Variants in EFCC1 observed in about 807,000 individuals in gnomAD.
The protein encoded by EFCC1 is EF-hand and coiled-coil domain-containing protein 1.
A neutral mutation model predicts 52.1 loss-of-function variants in EFCC1; 50 were observed. The ratio of observed to expected loss-of-function variants is 0.96; its 90% CI spans 0.76 to 1.21. The LOEUF (loss-of-function observed/expected upper bound fraction) is 1.21, where lower values mean the gene tolerates loss of function less well. Among genes scored for constraint, EFCC1 ranks in the 50% most tolerant of loss-of-function variants. The pLI is 0.00. For missense variants in EFCC1, 837 were observed against 867.3 expected, an observed-to-expected ratio of 0.97 and a Z score of 0.44; for synonymous variants, 399 against 396.5, an observed-to-expected ratio of 1.01 and a Z score of -0.08.
At chr3:129,012,446 C>T (rs1409994849) in intron 2 of EFCC1, among the ~76,000 whole-genome samples, 5 of 152,154 alleles carry the variant, frequency 3.3e-5, no homozygotes, top group Non-Finnish European at 5.9e-5. Context: ...CCTGGTTCTA[C>T]TCGCTCCTGC....
Position 129,030,724 on chromosome 3 carries a change from A to G in EFCC1, c.1002A>G (p.Pro334=). The G allele has an allele frequency of 6.4e-7, 1 of 1,551,580 alleles. No individual in the cohort carries two copies. The highest frequency in any genetic ancestry group is 8.7e-7 in the Non-Finnish European group (1 of 1,146,926). The change falls in exon 3 of 8, where the codon CCA becomes CCG. Residue 334 remains proline, a synonymous_variant. Transcript: ENST00000683648. The part of the protein sequence containing the change: ...QRYRSEDSQL[P]TPQLANPEPG... The stretch of plus-strand genomic sequence containing the variant: ...GCAGGTCAGAGGATTCCCAGCTCCC[A>G]ACCCCGCAGCTAGCCAACCCAGAGC...
At position 129,001,599 on chromosome 3, in the gene EFCC1, G is replaced by A; in HGVS notation, c.-30G>A. 1 of 1,354,976 alleles carries A rather than the reference G, an allele frequency of 7.4e-7. No homozygotes were observed. Among genetic ancestry groups the A allele is most frequent in the Non-Finnish European group, 9.4e-7 (1 of 1,060,522 alleles). 83.9% of individuals were successfully genotyped at this position (1,354,976 alleles called of 1,614,324 possible). On this transcript the variant is annotated 5_prime_UTR_variant, in exon 1 of 8. Coordinates refer to ENST00000683648, the MANE Select transcript of EFCC1 (RefSeq NM_001377500.1). ...GGCGGGGCGAAGGGACCGGAGGAGG[G>A]ACCGGAGGAGCGAGGCGCGCGGCGC...
rs755323645 is a variant in EFCC1 at position 129,014,962 on chromosome 3, C to T, written c.980+10885C>T. On this transcript the variant is annotated intron_variant, in intron 2 of 7. Coordinates refer to ENST00000683648, the MANE Select transcript of EFCC1 (RefSeq NM_001377500.1). This position sits in a 1 kb window ranked among gnomAD's most constrained non-coding sequence, Gnocchi z 4.3. The stretch of plus-strand genomic sequence containing the variant: ...TCAGACCCACCTGCTACTCTCCAGT[C>T]GCACCCACCACCCAGCCCAGCCCCA... Among the ~76,000 whole-genome samples the T allele has an allele frequency of 5.9e-5, 9 of 152,284 alleles. No individual in the cohort carries two copies. Among genetic ancestry groups the T allele is most frequent in the African/African-American group, 1.7e-4 (7 of 41,552 alleles).
chr3:129,036,099 G>A (rs1410837196), intron 5 of EFCC1, among the ~76,000 whole-genome samples: 1 of 152,276 alleles, frequency 6.6e-6, no homozygotes, highest in Non-Finnish European at 1.5e-5. Context: ...TAGCCCTGTG[G>A]CTGGGGAGGG....
At chr3:129,016,276 T>C (rs1945578215) in intron 2 of EFCC1, among the ~76,000 whole-genome samples, 1 of 152,142 alleles carries the variant, frequency 6.6e-6, no homozygotes, top group South Asian at 2.1e-4. Flanking sequence ...TTATCCTGGC[T>C]GGTCTGGGTG....
intron 2 of EFCC1, among the ~76,000 whole-genome samples, chr3:129,024,517 C>A (rs796955709): frequency 4.1e-5 from 6 of 146,848 alleles, no homozygotes; most frequent in South Asian, 2.2e-4. Context: ...GGTGACAGAG[C>A]AAGACTCCGT....
At chr3:129,033,882 G>A (rs1473600773) in intron 4 of EFCC1, among the ~76,000 whole-genome samples, 4 of 152,256 alleles carry the variant, frequency 2.6e-5, no homozygotes, top group South Asian at 2.1e-4. Flanking sequence ...CAGAGGCCCT[G>A]AGGCATGTTG....
Position 129,002,262 on chromosome 3 carries a change from G to C in EFCC1, c.634G>C (p.Glu212Gln). Reference protein sequence around the residue: ...RLEEENSSLRELVEDLRAALQ... With the variant: ...RLEEENSSLRQLVEDLRAALQ... ...GGAGGAGGAGAATAGCAGCTTGCGCGAGTTGGTGGAGGACCTGCGCGCCGC... is the reference window on the plus strand; with the variant it reads ...GGAGGAGGAGAATAGCAGCTTGCGCCAGTTGGTGGAGGACCTGCGCGCCGC... Residue 212 changes from glutamate to glutamine, a missense_variant, in exon 1 of 8, where the codon GAG (glutamate) becomes CAG (glutamine). Physicochemically the swap from Glu to Gln is conservative, Grantham distance 29 (BLOSUM62 2). Transcript: ENST00000683648. 6.5e-7 allele frequency: 1 copy of C among 1,530,922 alleles called. No individual in the cohort carries two copies. The highest frequency in any genetic ancestry group is 1.2e-5 in the South Asian group (1 of 83,774). 94.8% of individuals were successfully genotyped at this position (1,530,922 alleles called of 1,614,324 possible). A position where few individuals can be genotyped will look rare whatever the true frequency, so the allele number is the denominator to read the frequency against.
At chr3:129,002,735 C>A (rs1335490962) in intron 1 of EFCC1, 1 of 197,108 alleles carries the variant, frequency 5.1e-6, no homozygotes, top group Non-Finnish European at 1.0e-5. Flanking sequence ...TGAAGAAGGC[C>A]CTGTCCTCAC....
At chr3:129,015,001 AC>A (rs1340805222) in intron 2 of EFCC1, among the ~76,000 whole-genome samples, 2 of 152,094 alleles carry the variant, frequency 1.3e-5, no homozygotes, top group Non-Finnish European at 2.9e-5. Flanking sequence ...CCACTCCTGG[AC>A]AGCTGTCCTA....
Position 129,001,597 on chromosome 3 carries a change from G to T in EFCC1, c.-32G>T. ...GTGGCGGGGCGAAGGGACCGGAGGAGGGACCGGAGGAGCGAGGCGCGCGGC... is the reference window on the plus strand; with the variant it reads ...GTGGCGGGGCGAAGGGACCGGAGGATGGACCGGAGGAGCGAGGCGCGCGGC... On this transcript the variant is annotated 5_prime_UTR_variant, in exon 1 of 8. It adds an upstream start codon to the 5' untranslated region. Coordinates refer to ENST00000683648, the MANE Select transcript of EFCC1 (RefSeq NM_001377500.1). 7.4e-7 allele frequency: 1 copy of T among 1,353,034 alleles called. No individual in the cohort carries two copies. The highest frequency in any genetic ancestry group is 9.4e-7 in the Non-Finnish European group (1 of 1,059,366). The allele number at this position is 1,353,034 out of a possible 1,614,324, so 83.8% of individuals were successfully genotyped here.
chr3:129,012,867 G>T (rs975013871), intron 2 of EFCC1, among the ~76,000 whole-genome samples: 1 of 152,238 alleles, frequency 6.6e-6, no homozygotes, highest in Non-Finnish European at 1.5e-5. Flanking sequence ...GAAGGTGGAA[G>T]AGCGGGCATT....
chr3:129,038,480 G>T (rs1309117223), intron 6 of EFCC1, among the ~76,000 whole-genome samples: 1 of 152,246 alleles, frequency 6.6e-6, no homozygotes, highest in Non-Finnish European at 1.5e-5. Flanking sequence ...TTTTCTGCTG[G>T]TTAAAATGGG....
At chr3:129,022,786 G>A (rs1004617848) in intron 2 of EFCC1, among the ~76,000 whole-genome samples, 1 of 152,216 alleles carries the variant, frequency 6.6e-6, no homozygotes, top group African/African-American at 2.4e-5. Context: ...AAGGCCCCCA[G>A]ACCATTTCCC....
chr3:129,017,703 T>C (rs1222779553), intron 2 of EFCC1, among the ~76,000 whole-genome samples: 1 of 152,056 alleles, frequency 6.6e-6, no homozygotes, highest in Non-Finnish European at 1.5e-5. Flanking sequence ...CAGAAAGCTA[T>C]CTGCATTTCA....
chr3:129,003,363 C>T, intron 1 of EFCC1: 1 of 871,780 alleles, frequency 1.1e-6, no homozygotes, highest in Non-Finnish European at 1.4e-6. Flanking sequence ...CAGATAGAAA[C>T]CACCCTCAAA....
At chr3:129,036,902 TGGA>T in intron 5 of EFCC1, 72 bp from the exon 6 acceptor site, 16 of 1,604,414 alleles carry the variant, frequency 1.0e-5, no homozygotes, top group East Asian at 2.2e-5. Context: ...CTCGGGGAGA[TGGA>T]GTAGTTGATC....
intron 2 of EFCC1, among the ~76,000 whole-genome samples, chr3:129,024,048 C>A (rs1485785423): frequency 6.6e-6 from 1 of 152,228 alleles, no homozygotes; most frequent in South Asian, 2.1e-4. Context: ...AAATCCCATT[C>A]ATTCATTTGA....
In EFCC1 at chr3:129,002,037, C is replaced by G. The variant is rs1309947085; in HGVS notation, c.409C>G (p.Pro137Ala). The change falls in exon 1 of 8, where the codon CCG (proline) becomes GCG (alanine). Residue 137 changes from proline to alanine, a missense_variant. Coordinates refer to ENST00000683648, the MANE Select transcript of EFCC1 (RefSeq NM_001377500.1). ...EEARLALRAE[P>A]PELTFRQFHA... ...GGCGCGCCTGGCGCTGCGCGCCGAG[C>G]CGCCGGAGCTCACCTTCCGCCAGTT... The G allele has an allele frequency of 3.2e-6, 5 of 1,543,838 alleles. No homozygotes were observed. Among genetic ancestry groups the G allele is most frequent in the Non-Finnish European group, 4.4e-6 (5 of 1,144,504 alleles).
Sources: gnomAD v4.1 joint callset for allele counts (sites outside exome capture counted in the v4.1 genomes callset) on GRCh38, gnomAD v4.1.1 for gene constraint, Gnocchi (gnomAD v3.1) non-coding constraint, MANE v1.5 for transcripts, NCBI Gene and HGNC (gene_info 2026-07-23, HGNC 2026-07-21) for gene names.